Variants in NCAPG observed in about 807,000 individuals in gnomAD.
NCAPG encodes condensin complex subunit 3.
In NCAPG, 69 loss-of-function variants were observed where a neutral mutation model predicts 113.1. The observed-to-expected ratio is 0.61, with a 90% CI of 0.50 to 0.75. The LOEUF (loss-of-function observed/expected upper bound fraction) is 0.75, where lower values mean the gene tolerates loss of function less well. Among genes scored for constraint, NCAPG ranks in the 30% least tolerant of loss-of-function variants. The probability of loss-of-function intolerance (pLI) is 0.00; values close to 1 mark genes in which losing one functional copy is unlikely to be tolerated. For synonymous variants in NCAPG, 370 were observed against 415.8 expected, an observed-to-expected ratio of 0.89 and a Z score of 1.34; for missense variants, 1,058 against 1,177.0, an observed-to-expected ratio of 0.90 and a Z score of 1.48.
chr4:17,841,233 A>G (rs997863952), intron 19 of NCAPG: 1 of 152,016 alleles, frequency 6.6e-6, no homozygotes, highest in South Asian at 2.1e-4. Flanking sequence ...TCATTACAAA[A>G]GCAATGCATG....
chr4:17,822,714 A>G (rs1363907796), intron 7 of NCAPG, among the ~76,000 whole-genome samples: 1 of 152,188 alleles, frequency 6.6e-6, no homozygotes, highest in Non-Finnish European at 1.5e-5. Flanking sequence ...TCAGTTAGAC[A>G]TAAATATGTA....
rs1334074092 is a variant in NCAPG, at chr4:17,839,138, T to C, written c.2467-538T>C. ...AATTGGGGAGTACTCTCATGATCAG[T>C]GTCTTGGAAGAGTAAGGGAAAAGTA... On this transcript the variant is annotated intron_variant, in intron 16 of 20. Coordinates refer to ENST00000251496, the MANE Select transcript of NCAPG (RefSeq NM_022346.5). Among the ~76,000 whole-genome samples, 7 of 152,172 alleles carry C rather than the reference T, an allele frequency of 4.6e-5. No homozygotes were observed. In the East Asian group the frequency reaches 1.3e-3, roughly 29 times the overall value.
intron 11 of NCAPG, among the ~76,000 whole-genome samples, chr4:17,826,082 T>C (rs1421117983): frequency 6.6e-6 from 1 of 152,146 alleles, no homozygotes; most frequent in East Asian, 1.9e-4. Context: ...AGCTTGCTTT[T>C]CAGTAGTTCG....
chr4:17,831,081 G>C lies in NCAPG; in HGVS notation c.1849G>C (p.Asp617His), dbSNP rs762288377. ...GGGATGCTGTGGACTACAGAATCAG[G>C]ATTTTGCAAGGAAACACTTCGTATT... ...CLGCCGLQNQ[D>H]FARKHFVLLL... Residue 617 changes from aspartate to histidine, a missense_variant, in exon 13 of 21, where the codon GAT (aspartate) becomes CAT (histidine). Asp to His is a moderately conservative substitution (Grantham distance 81). Transcript: ENST00000251496. 1.2e-6 allele frequency: 2 copies of C among 1,613,540 alleles called. No homozygotes were observed. Among genetic ancestry groups the C allele is most frequent in the African/African-American group, 2.7e-5 (2 of 74,894 alleles).
At chr4:17,828,626 C>T (rs912774301) in intron 12 of NCAPG, among the ~76,000 whole-genome samples, 2 of 151,946 alleles carry the variant, frequency 1.3e-5, no homozygotes, top group Admixed American at 6.6e-5. Flanking sequence ...TGATTTTATA[C>T]TGGAAAGAGA....
chr4:17,812,175 G>C, intron 1 of NCAPG, 46 bp from the exon 2 acceptor site: 1 of 1,457,202 alleles, frequency 6.9e-7, no homozygotes, highest in Non-Finnish European at 9.6e-7. Flanking sequence ...TGGGAATAAA[G>C]GATTTTTATC....
chr4:17,843,223 G>A, intron 20 of NCAPG, 79 bp from the exon 21 acceptor site: 1 of 1,485,102 alleles, frequency 6.7e-7, no homozygotes, highest in Non-Finnish European at 9.1e-7. Flanking sequence ...ATGTGAGTCA[G>A]AAACAAAAAA....
chr4:17,817,266 G>C lies in NCAPG; in HGVS notation c.781G>C (p.Val261Leu). The C allele has an allele frequency of 6.2e-7, 1 of 1,611,852 alleles. No homozygotes were observed. The highest frequency in any genetic ancestry group is 1.1e-5 in the South Asian group (1 of 90,740). Residue 261 changes from valine (V) to leucine (L), a missense_variant, in exon 6 of 21, where the codon GTG (valine) becomes CTG (leucine). Val to Leu is a conservative substitution (Grantham distance 32, BLOSUM62 1). Transcript: ENST00000251496. Reference protein sequence around the residue: ...QQGLNDRSDAVKQAMQKHLLQ... With the variant: ...QQGLNDRSDALKQAMQKHLLQ... ...TGTTTCAAATGACTCAATAGATGCTGTGAAACAAGCTATGCAGAAGCATCT... is the reference window on the plus strand; with the variant it reads ...TGTTTCAAATGACTCAATAGATGCTCTGAAACAAGCTATGCAGAAGCATCT...
At chr4:17,824,055 T>G (rs1721561162) in intron 9 of NCAPG, among the ~76,000 whole-genome samples, 1 of 152,172 alleles carries the variant, frequency 6.6e-6, no homozygotes, top group Admixed American at 6.5e-5. Context: ...CATGAGGCAC[T>G]GGGTGCTAGT....
chr4:17,812,835 C>T (rs1721054432), intron 2 of NCAPG, 82 bp from the exon 3 acceptor site: 8 of 1,183,536 alleles, frequency 6.8e-6, no homozygotes, highest in Admixed American at 6.1e-5. Flanking sequence ...TCTTGCATTC[C>T]GAATGTATAG....
At chr4:17,815,213 T>G in intron 4 of NCAPG, 61 bp from the exon 5 acceptor site, 1 of 1,431,646 alleles carries the variant, frequency 7.0e-7, no homozygotes, top group Non-Finnish European at 9.6e-7. Context: ...GATGGTGATA[T>G]TCTTATGAAA....
Position 17,839,722 on chromosome 4 carries a change from T to C in NCAPG, c.2513T>C (p.Ile838Thr). 6.3e-7 allele frequency: 1 copy of C among 1,577,068 alleles called. No homozygotes were observed. Among genetic ancestry groups the C allele is most frequent in the Non-Finnish European group, 8.5e-7 (1 of 1,169,818 alleles). ...DNLAMKICNE[I>T]LTSPCSPEIR... is the part of the protein sequence containing the mutation. ...TTGGCTATGAAAATTTGCAATGAGA[T>C]CTTAACAAGTCCGTGCTCGCCAGAA... The change falls in exon 17 of 21, where the codon ATC becomes ACC. Residue 838 changes from isoleucine to threonine, a missense_variant. Coordinates refer to ENST00000251496, the MANE Select transcript of NCAPG (RefSeq NM_022346.5).
chr4:17,836,205 A>G (rs1473410896), intron 14 of NCAPG, among the ~76,000 whole-genome samples: 2 of 152,084 alleles, frequency 1.3e-5, no homozygotes, highest in African/African-American at 4.8e-5. Context: ...GCATTTCCTT[A>G]ATGACTAGTG....
intron 7 of NCAPG, among the ~76,000 whole-genome samples, chr4:17,820,478 T>C (rs1280582450): frequency 2.0e-5 from 3 of 151,990 alleles, no homozygotes; most frequent in Non-Finnish European, 4.4e-5. Context: ...GGCAGGCGCC[T>C]GTAGTCCTAG....
chr4:17,830,867 ATTG>A, intron 12 of NCAPG, 127 bp from the exon 13 acceptor site: 1 of 885,416 alleles, frequency 1.1e-6, no homozygotes, highest in Non-Finnish European at 1.7e-6. Context: ...CTCTGGCTAT[ATTG>A]TTCTGTTTTA....
chr4:17,837,093 G>T (rs1722129395), intron 14 of NCAPG, 66 bp from the exon 15 acceptor site: 3 of 1,407,544 alleles, frequency 2.1e-6, no homozygotes, highest in Middle Eastern at 2.2e-4. Context: ...TGTAGGACAG[G>T]CTACATTGAG....
chr4:17,842,232 TTA>T (rs1221432721), intron 19 of NCAPG, 76 bp from the exon 20 acceptor site: 85 of 1,224,238 alleles, frequency 6.9e-5, no homozygotes, highest in Non-Finnish European at 9.9e-5. Flanking sequence ...GACAAAGGAT[TTA>T]GTTAGCCTAG....
Position 17,825,450 on chromosome 4 carries a change from T to G in NCAPG, c.1542T>G (p.Asp514Glu). The G allele has an allele frequency of 3.1e-6, 5 of 1,609,202 alleles. No individual in the cohort carries two copies. The highest frequency in any genetic ancestry group is 4.2e-6 in the Non-Finnish European group (5 of 1,178,484). Residue 514 changes from aspartate to glutamate, a missense_variant, in exon 11 of 21, where the codon GAT becomes GAG. Transcript: ENST00000251496. ...TGGAAAATTGCATTACCTTACAGGA[T>G]TTTAATCGGGCATCAGAATTAAAAG... Reference protein sequence around the residue: ...EALENCITLQDFNRASELKEE... With the variant: ...EALENCITLQEFNRASELKEE...
Position 17,824,800 on chromosome 4 carries a change from G to T in NCAPG, c.1384-168G>T, listed in dbSNP as rs1286811289. On this transcript the variant is annotated intron_variant, in intron 9 of 20. Transcript: ENST00000251496. ...GTAGTCAGATATATTGTTTTGTTTT[G>T]TTTTTTTCTAAAATTGTCTAGCAAA... is the stretch of plus-strand genomic sequence containing the variant. 6.9e-6 allele frequency among the ~76,000 whole-genome samples: 1 copy of T among 145,860 alleles called. No individual in the cohort carries two copies. The highest frequency in any genetic ancestry group is 2.6e-5 in the African/African-American group (1 of 38,790).
Sources: allele counts gnomAD v4.1 joint callset (sites outside exome capture counted in the v4.1 genomes callset), GRCh38; gene constraint gnomAD v4.1.1; transcripts MANE v1.5; gene names NCBI Gene and HGNC (gene_info 2026-07-23, HGNC 2026-07-21).